The following TOM1L2 variants were observed in gnomAD, a reference collection of about 807,000 sequenced individuals.
TOM1L2 encodes the protein TOM1-like protein 2.
A neutral mutation model predicts 67.9 loss-of-function variants in TOM1L2; 31 were observed. The observed-to-expected ratio is 0.46, with a 90% CI of 0.34 to 0.62. The LOEUF (loss-of-function observed/expected upper bound fraction) is 0.62. Among genes scored for constraint, TOM1L2 ranks in the 20% least tolerant of loss-of-function variants. The pLI is 0.01. For missense variants in TOM1L2, 606 were observed against 663.5 expected (o/e 0.91, Z 0.95); for synonymous variants, 256 against 254.0 (o/e 1.01, Z -0.07).
At chr17:17,899,303 G>A (rs1403286060) in intron 2 of TOM1L2, among the ~76,000 whole-genome samples, 1 of 152,190 alleles carries the variant, frequency 6.6e-6, no homozygotes, top group Non-Finnish European at 1.5e-5. Flanking sequence ...TGAATTCCAT[G>A]GAACTCCTTT....
chr17:17,972,175 C>T (rs566462690), intron 1 of TOM1L2, 87 bp downstream of exon 1: 457 of 1,504,416 alleles, frequency 3.0e-4, no homozygotes, highest in Admixed American at 1.4e-3. Context: ...CGTGAAGTGG[C>T]ACCGGCGCCC....
rs965005915 is a variant in TOM1L2 at position 17,847,519 on chromosome 17, A to G, written c.*116T>C. 3.6e-6 allele frequency: 5 copies of G among 1,382,958 alleles called. No individual in the cohort carries two copies. The African/African-American group carries it at 4.3e-5, about 12-fold the overall frequency. 85.7% of individuals were successfully genotyped at this position (1,382,958 alleles called of 1,614,324 possible). On this transcript the variant is annotated 3_prime_UTR_variant, in exon 15 of 15. Coordinates refer to ENST00000379504, the MANE Select transcript of TOM1L2 (RefSeq NM_001082968.2). ...TGGGAGCAGACACGGTGGCATTTCC[A>G]TGGAAACACAGGTGTGCAGGCCGTG...
intron 1 of TOM1L2, among the ~76,000 whole-genome samples, chr17:17,920,334 TA>T (rs1423785059): frequency 4.8e-5 from 7 of 147,024 alleles, no homozygotes; most frequent in East Asian, 4.0e-4. Context: ...TAATGTTCAA[TA>T]TTTTTTTTTT....
chr17:17,866,881 T>C lies in TOM1L2; in HGVS notation c.955A>G (p.Asn319Asp), dbSNP rs1303614072. The C allele has an allele frequency of 6.2e-7, 1 of 1,613,972 alleles. No homozygotes were observed. Among genetic ancestry groups the C allele is most frequent in the South Asian group, 1.1e-5 (1 of 91,080 alleles). ...GATTCTGAAGGAATACTTACTCCAT[T>C]ACTGGCATTTTGAACGGATCGGCCA... ...RSGRSVQNAS[N>D]GVLNEVTEDN... The change falls in exon 9 of 15, where the codon AAT becomes GAT. Residue 319 changes from asparagine to aspartate, a missense_variant. Physicochemically the swap from Asn to Asp is conservative, Grantham distance 23. Coordinates refer to ENST00000379504, the MANE Select transcript of TOM1L2 (RefSeq NM_001082968.2).
intron 7 of TOM1L2, chr17:17,871,862 T>G: frequency 1.6e-6 from 1 of 641,008 alleles, no homozygotes; most frequent in Non-Finnish European, 1.9e-6. Flanking sequence ...TAAGCACTTA[T>G]AAACATACAG....
In TOM1L2 at chr17:17,880,879, C is replaced by T. The variant is rs115401934; in HGVS notation, c.661-1136G>A. On this transcript the variant is annotated intron_variant, in intron 6 of 14. Coordinates refer to ENST00000379504, the MANE Select transcript of TOM1L2 (RefSeq NM_001082968.2). ...AATGTCATTCTTCCTGCACTGTGACCCAGCTTAAGTGACAACTTCTCTCCC... is the reference window on the plus strand; with the variant it reads ...AATGTCATTCTTCCTGCACTGTGACTCAGCTTAAGTGACAACTTCTCTCCC... Among the ~76,000 whole-genome samples the T allele has an allele frequency of 8.2e-3, 1,241 of 152,242 alleles. 13 individuals carry two copies. Among genetic ancestry groups the T allele is most frequent in the African/African-American group, 0.028 (1,181 of 41,538 alleles).
At chr17:17,864,297 G>C (rs1427386652) in intron 10 of TOM1L2, among the ~76,000 whole-genome samples, 1 of 149,580 alleles carries the variant, frequency 6.7e-6, no homozygotes, top group Non-Finnish European at 1.5e-5. Context: ...TGCAAGCTCC[G>C]CCTCCCGGGT....
chr17:17,969,863 C>G (rs2042002174), intron 1 of TOM1L2, among the ~76,000 whole-genome samples: 1 of 147,460 alleles, frequency 6.8e-6, no homozygotes, highest in East Asian at 1.9e-4. Context: ...GAATCTTTCT[C>G]TCTCTCTCTC....
intron 5 of TOM1L2, 78 bp from the exon 6 acceptor site, chr17:17,882,941 C>T (rs2037807565): frequency 6.4e-7 from 1 of 1,556,918 alleles, no homozygotes; most frequent in Non-Finnish European, 8.8e-7. Context: ...CCACCCCATG[C>T]AGCACTTCCC....
intron 7 of TOM1L2, among the ~76,000 whole-genome samples, chr17:17,878,957 T>C (rs917582465): frequency 3.6e-4 from 55 of 152,130 alleles, no homozygotes; most frequent in Non-Finnish European, 8.1e-4. Context: ...TTGACCCTGG[T>C]TTCAGGGGTA....
intron 1 of TOM1L2, among the ~76,000 whole-genome samples, chr17:17,918,610 C>T (rs1053689040): frequency 6.6e-6 from 1 of 152,170 alleles, no homozygotes; most frequent in Admixed American, 6.5e-5. Context: ...AGACTTCTGT[C>T]TGGAAAGCCT....
intron 3 of TOM1L2, 110 bp downstream of exon 3, chr17:17,898,486 C>T: frequency 8.9e-7 from 1 of 1,123,938 alleles, no homozygotes; most frequent in Non-Finnish European, 1.3e-6. Context: ...AGGCACCAAG[C>T]CATTCAGAGG....
intron 1 of TOM1L2, among the ~76,000 whole-genome samples, chr17:17,959,012 A>C (rs1355132325): frequency 6.6e-6 from 1 of 152,242 alleles, no homozygotes; most frequent in Non-Finnish European, 1.5e-5. Context: ...AGGCTGGCAC[A>C]GAAGTTCTCT....
chr17:17,915,352 A>G lies in TOM1L2; in HGVS notation c.53-7821T>C, dbSNP rs77988845. On this transcript the variant is annotated intron_variant, in intron 1 of 14. Transcript: ENST00000379504. The stretch of plus-strand genomic sequence containing the variant: ...ATCAAATATTGGTACCACCAATTCA[A>G]TGATGGGATCCTGGCTTACCAGGTG... Among the ~76,000 whole-genome samples, 281 of 152,298 alleles carry G rather than the reference A, an allele frequency of 1.8e-3. 1 individual carries two copies. Among genetic ancestry groups the G allele is most frequent in the African/African-American group, 6.4e-3 (265 of 41,558 alleles).
chr17:17,940,369 T>A (rs1018056997), intron 1 of TOM1L2, among the ~76,000 whole-genome samples: 5 of 152,080 alleles, frequency 3.3e-5, no homozygotes. Flanking sequence ...TAGAATCATT[T>A]TACAGATGAG....
chr17:17,882,713 A>C lies in TOM1L2; in HGVS notation c.652T>G (p.Ser218Ala). ...LSVTGPITAN[S>A]EQIARLRSEL... is the part of the protein sequence containing the mutation. ...CCGAAGTATGCAAGTACCTGTTCTGAATTGGCTGTGATGGGGCCAGTCACA... is the reference window on the plus strand; with the variant it reads ...CCGAAGTATGCAAGTACCTGTTCTGCATTGGCTGTGATGGGGCCAGTCACA... Residue 218 changes from serine to alanine, a missense_variant, in exon 6 of 15, where the codon TCA (serine) becomes GCA (alanine). Physicochemically the swap from Ser to Ala is moderately conservative, Grantham distance 99 (BLOSUM62 1). Around this residue, in one of 2 missense-constraint regions of TOM1L2, gnomAD observed 543 missense variants for 554.0 expected, o/e 0.98. Transcript: ENST00000379504. 1 of 1,614,092 alleles carries C rather than the reference A, an allele frequency of 6.2e-7. No homozygotes were observed. The highest frequency in any genetic ancestry group is 1.1e-5 in the South Asian group (1 of 91,072).
chr17:17,862,809 A>G lies in TOM1L2; in HGVS notation c.1124T>C (p.Leu375Pro). Reference sequence around the variant, plus strand: ...GCCGTCACGGGGATTACATTGCTGGAGTGAACTGAGGGTGCCACTGACGCT... The same window carrying G: ...GCCGTCACGGGGATTACATTGCTGGGGTGAACTGAGGGTGCCACTGACGCT... ...TESVSGTLSS[L>P]QQCNPRDGFD... Residue 375 changes from leucine to proline, a missense_variant, in exon 11 of 15, where the codon CTC becomes CCC. By Grantham distance (98) the Leu-to-Pro change is moderately conservative. Around this residue, in one of 2 missense-constraint regions of TOM1L2, gnomAD observed 543 missense variants for 554.0 expected, o/e 0.98. Transcript: ENST00000379504. 6.2e-7 allele frequency: 1 copy of G among 1,614,210 alleles called. No individual in the cohort carries two copies. Among genetic ancestry groups the G allele is most frequent in the Non-Finnish European group, 8.5e-7 (1 of 1,180,040 alleles).
In TOM1L2 at chr17:17,945,153, C is replaced by G. The variant is rs141013293; in HGVS notation, c.52+27109G>C. 9.2e-5 allele frequency among the ~76,000 whole-genome samples: 14 copies of G among 152,206 alleles called. No individual in the cohort carries two copies. In the East Asian group the frequency reaches 2.7e-3, roughly 29 times the overall value. Reference sequence around the variant, plus strand: ...CAAAAGGTAATGCAAAAGTCTTTAGCTTTCTTTTCAGAGATGATTTTATGC... The same window carrying G: ...CAAAAGGTAATGCAAAAGTCTTTAGGTTTCTTTTCAGAGATGATTTTATGC... On this transcript the variant is annotated intron_variant, in intron 1 of 14. Transcript: ENST00000379504.
At chr17:17,914,533 A>G (rs2039547378) in intron 1 of TOM1L2, among the ~76,000 whole-genome samples, 1 of 152,182 alleles carries the variant, frequency 6.6e-6, no homozygotes, top group Non-Finnish European at 1.5e-5. Flanking sequence ...TCTGGGGCCT[A>G]TCTGGCTCTT....
Sources: allele counts gnomAD v4.1 joint callset (sites outside exome capture counted in the v4.1 genomes callset), GRCh38; gene constraint gnomAD v4.1.1; regional missense constraint gnomAD v4.1.1; transcripts MANE v1.5; gene names NCBI Gene and HGNC (gene_info 2026-07-23, HGNC 2026-07-21).